CELF6: variants seen among roughly 807,000 people sequenced by gnomAD.
CELF6 encodes Bruno -like 6, RNA binding protein.
In CELF6, 32 loss-of-function variants were observed where a neutral mutation model predicts 53.1. The ratio of observed to expected loss-of-function variants is 0.60; its 90% CI spans 0.46 to 0.81. The LOEUF (loss-of-function observed/expected upper bound fraction) is 0.81. CELF6 is among the 30% of genes least tolerant of loss of function. The pLI is 0.00. For missense variants in CELF6, 539 were observed against 669.5 expected (o/e 0.81, Z 2.15); for synonymous variants, 291 against 288.8 (o/e 1.01, Z -0.08).
In CELF6 at chr15:72,289,998, C is replaced by T. The variant is rs868080974; in HGVS notation, c.544G>A (p.Gly182Arg). 12 of 1,602,464 alleles carry T rather than the reference C, an allele frequency of 7.5e-6. No homozygotes were observed. Among genetic ancestry groups the T allele is most frequent in the East Asian group, 4.5e-5 (2 of 44,212 alleles). ...TSKGCAFVKF[G>R]SQGEAQAAIR... ...GCCGCCTGAGCTTCCCCTTGACTCC[C>T]GAACTTCACAAAGGCACAGCCTGGG... The change falls in exon 5 of 13, where the codon GGG (glycine) becomes AGG (arginine). Residue 182 changes from glycine to arginine, a missense_variant. Gly to Arg is a moderately radical substitution (Grantham distance 125). Transcript: ENST00000287202. The surrounding 1 kb of genome is among the most constrained non-coding windows in gnomAD (Gnocchi z 7.6).
At chr15:72,291,960 T>C (rs2088011967) in intron 3 of CELF6, among the ~76,000 whole-genome samples, 1 of 152,206 alleles carries the variant, frequency 6.6e-6, no homozygotes. Flanking sequence ...GTACTTTGCT[T>C]CTGGGGGTGT....
chr15:72,307,340 G>A (rs1019738127), intron 2 of CELF6, among the ~76,000 whole-genome samples: 1 of 152,126 alleles, frequency 6.6e-6, no homozygotes, highest in Non-Finnish European at 1.5e-5. Context: ...CACCACCCAG[G>A]CATGCTGCCA....
At chr15:72,295,325 G>T (rs1462668687) in intron 3 of CELF6, among the ~76,000 whole-genome samples, 2 of 152,114 alleles carry the variant, frequency 1.3e-5, no homozygotes, top group Non-Finnish European at 2.9e-5. Flanking sequence ...GACAGAGTAA[G>T]ACTGTTTCAA....
At chr15:72,310,728 G>A (rs189018488) in intron 2 of CELF6, among the ~76,000 whole-genome samples, 32 of 151,604 alleles carry the variant, frequency 2.1e-4, no homozygotes, top group Non-Finnish European at 4.3e-4. Context: ...TGGGCTCAGC[G>A]ATCCTCCAGT....
At chr15:72,309,939 T>C (rs1050727163) in intron 2 of CELF6, among the ~76,000 whole-genome samples, 14 of 152,206 alleles carry the variant, frequency 9.2e-5, no homozygotes, top group Admixed American at 3.9e-4. Context: ...GGATAGAATG[T>C]CAGAGAGAAC....
chr15:72,315,538 CAA>C (rs1239935297), intron 2 of CELF6, among the ~76,000 whole-genome samples: 2 of 152,172 alleles, frequency 1.3e-5, no homozygotes, highest in African/African-American at 2.4e-5. Context: ...ACACCAGTGA[CAA>C]GAGACACCCA....
intron 2 of CELF6, chr15:72,306,289 C>T (rs1379825487): frequency 1.0e-6 from 1 of 985,152 alleles, no homozygotes; most frequent in Non-Finnish European, 1.2e-6. Context: ...CAGCGGCCTT[C>T]CCGTTCATGG....
intron 3 of CELF6, among the ~76,000 whole-genome samples, chr15:72,298,849 T>C (rs775655918): frequency 2.0e-5 from 3 of 152,152 alleles, no homozygotes; most frequent in Non-Finnish European, 2.9e-5. Context: ...TTAGTTACCA[T>C]TGTCTGAGGG....
Position 72,289,061 on chromosome 15 carries a change from G to A in CELF6, c.1030+77C>T. The A allele has an allele frequency of 1.5e-6, 2 of 1,318,960 alleles. No individual in the cohort carries two copies. The highest frequency in any genetic ancestry group is 1.5e-5 in the South Asian group (1 of 68,186). The allele number at this position is 1,318,960 out of a possible 1,614,324, so 81.7% of individuals were successfully genotyped here. ...AGGGAAGGAGGGGGATCTCTTCCCA[G>A]GGAAGCCAGGCCCTAACCCCCCACC... On this transcript the variant is annotated intron_variant, in intron 8 of 12. Coordinates refer to ENST00000287202, the MANE Select transcript of CELF6 (RefSeq NM_052840.5). This position sits in a 1 kb window ranked among gnomAD's most constrained non-coding sequence, Gnocchi z 7.6.
chr15:72,290,403 A>AT, intron 3 of CELF6, 148 bp from the exon 4 acceptor site: 1 of 914,702 alleles, frequency 1.1e-6, no homozygotes, highest in Non-Finnish European at 1.6e-6. Context: ...GTTGGTTTTC[A>AT]TTGAGGGGCA....
In CELF6 at chr15:72,290,187, G is replaced by A; in HGVS notation, c.463C>T (p.Gln155Ter). ...CACTCCTCGATGTGGCCAAAGGGCT[G>A]GAACAGGCGTCTGACGTCCTCCTCA... is the stretch of plus-strand genomic sequence containing the variant. ...QGEEDVRRLFQPFGHIEECTV... is the reference protein window; with the variant it reads ...QGEEDVRRLF Residue 155 changes from glutamine (Q) to a stop codon, truncating the protein, a stop_gained, in exon 4 of 13, where the codon CAG (glutamine) becomes TAG (stop). Coordinates refer to ENST00000287202, the MANE Select transcript of CELF6 (RefSeq NM_052840.5). LOFTEE classifies it high-confidence loss of function. 6.2e-7 allele frequency: 1 copy of A among 1,614,004 alleles called. No homozygotes were observed.
rs762733642 is a variant in CELF6 at position 72,288,961 on chromosome 15, G to GA, written c.1031-32dup. On this transcript the variant is annotated intron_variant, in intron 8 of 12. Coordinates refer to ENST00000287202, the MANE Select transcript of CELF6 (RefSeq NM_052840.5). The surrounding 1 kb of genome is among the most constrained non-coding windows in gnomAD (Gnocchi z 4.6). ...GAGAGAGGGGCGCGAGGCCCACAGT[G>GA]AAGGCAAGCGGGCGAGCAGAGTGGG... The GA allele has an allele frequency of 9.7e-6, 15 of 1,541,738 alleles. No homozygotes were observed. The South Asian group carries it at 1.8e-4, about 18-fold the overall frequency.
At chr15:72,290,090 A>AATCCC in intron 4 of CELF6, 37 bp downstream of exon 4, 1 of 1,612,992 alleles carries the variant, frequency 6.2e-7, no homozygotes, top group African/African-American at 1.3e-5. Flanking sequence ...AGAGTGAGGA[A>AATCCC]GGGTCACCAG....
intron 3 of CELF6, among the ~76,000 whole-genome samples, chr15:72,302,409 C>T (rs139191258): frequency 2.4e-4 from 37 of 152,332 alleles, no homozygotes; most frequent in Non-Finnish European, 4.1e-4. Context: ...CCAGGCAATA[C>T]TCTTTTTCAG....
At chr15:72,306,427 C>A in intron 2 of CELF6, 1 of 346,552 alleles carries the variant, frequency 2.9e-6, no homozygotes, top group Non-Finnish European at 4.0e-6. Flanking sequence ...GTTGCCGAGA[C>A]AACAGGCAGC....
At chr15:72,306,422 C>G (rs761001362) in intron 2 of CELF6, 16 of 430,264 alleles carry the variant, frequency 3.7e-5, no homozygotes, top group Non-Finnish European at 4.0e-5. Flanking sequence ...TGCTCGTTGC[C>G]GAGACAACAG....
rs180726853 is a variant in CELF6 at position 72,288,768 on chromosome 15, G to A, written c.1093+100C>T. 1,327 of 1,360,378 alleles carry A rather than the reference G, an allele frequency of 9.8e-4. 15 individuals are homozygous for A. The African/African-American group carries it at 0.017, about 17-fold the overall frequency. The allele number at this position is 1,360,378 out of a possible 1,614,324, so 84.3% of individuals were successfully genotyped here. On this transcript the variant is annotated intron_variant, in intron 9 of 12. Transcript: ENST00000287202. This position sits in a 1 kb window ranked among gnomAD's most constrained non-coding sequence, Gnocchi z 4.6. ...GTTCTGGGGGTAGGAGGGGATGGGA[G>A]GATCAACTCCTTGGAACAGAGCCTA...
chr15:72,319,489 G>C lies in CELF6; in HGVS notation c.262+124C>G. 1 of 1,065,364 alleles carries C rather than the reference G, an allele frequency of 9.4e-7. No homozygotes were observed. Among genetic ancestry groups the C allele is most frequent in the Non-Finnish European group, 1.3e-6 (1 of 760,646 alleles). 66.0% of individuals were successfully genotyped at this position (1,065,364 alleles called of 1,614,324 possible). ...TGATCTGGGAAGGGGGCTGGGCTGAGGTGGGGCTGATATTGGACTGGTGTT... is the reference window on the plus strand; with the variant it reads ...TGATCTGGGAAGGGGGCTGGGCTGACGTGGGGCTGATATTGGACTGGTGTT... On this transcript the variant is annotated intron_variant, in intron 1 of 12. Coordinates refer to ENST00000287202, the MANE Select transcript of CELF6 (RefSeq NM_052840.5). This position sits in a 1 kb window ranked among gnomAD's most constrained non-coding sequence, Gnocchi z 5.0.
At chr15:72,302,860 G>A (rs2088176885) in intron 3 of CELF6, among the ~76,000 whole-genome samples, 2 of 152,072 alleles carry the variant, frequency 1.3e-5, no homozygotes, top group East Asian at 3.8e-4. Context: ...TACTCCTCTG[G>A]GAACCCACTT....
Sources: allele counts gnomAD v4.1 joint callset (sites outside exome capture counted in the v4.1 genomes callset), GRCh38; gene constraint gnomAD v4.1.1; non-coding constraint Gnocchi (gnomAD v3.1); transcripts MANE v1.5; gene names NCBI Gene and HGNC (gene_info 2026-07-23, HGNC 2026-07-21).